The following PACRGL variants were observed in gnomAD, a reference collection of about 807,000 sequenced individuals.
PACRGL encodes the protein parkin coregulated like.
PACRGL carries 38 observed loss-of-function variants against 34.5 expected under a neutral mutation model. The observed-to-expected ratio is 1.10, with a 90% confidence interval of 0.85 to 1.44. The LOEUF is 1.44. PACRGL is among the 40% of genes most tolerant of loss of function. The pLI is 0.00. For missense variants in PACRGL, 305 were observed against 281.4 expected, an observed-to-expected ratio of 1.08 and a Z score of -0.60; for synonymous variants, 128 against 100.1, an observed-to-expected ratio of 1.28 and a Z score of -1.66.
At chr4:20,751,508 G>A (rs1753627726) in intron 8 of PACRGL, among the ~76,000 whole-genome samples, 1 of 151,764 alleles carries the variant, frequency 6.6e-6, no homozygotes, top group Admixed American at 6.6e-5. Context: ...TGAATTGATC[G>A]ATGGTGTGTT....
rs115859883 is a variant in PACRGL, at chr4:20,703,235, G to A, written c.-16-1231G>A. Among the ~76,000 whole-genome samples, 991 of 152,248 alleles carry A rather than the reference G, an allele frequency of 6.5e-3. 5 individuals carry two copies. Among genetic ancestry groups the A allele is most frequent in the Non-Finnish European group, 0.011 (718 of 68,012 alleles). On this transcript the variant is annotated intron_variant, in intron 1 of 8. Coordinates refer to ENST00000503585, the MANE Select transcript of PACRGL (RefSeq NM_001258345.3). The stretch of plus-strand genomic sequence containing the variant: ...GGACTTTACCTGTGTTGTCCTAAGG[G>A]AAGATCTTACACTATACTTGAGAGG...
intron 3 of PACRGL, among the ~76,000 whole-genome samples, chr4:20,706,188 G>A (rs908344533): frequency 4.6e-5 from 7 of 151,934 alleles, no homozygotes; most frequent in African/African-American, 7.3e-5. Flanking sequence ...TTCTGATTTT[G>A]TGGAACATGG....
chr4:20,707,880 A>G lies in PACRGL; in HGVS notation c.275+10A>G, dbSNP rs181253053. The G allele has an allele frequency of 1.0e-3, 1,659 of 1,594,316 alleles. 5 individuals carry two copies. The Middle Eastern group carries it at 0.015, about 14-fold the overall frequency. ...GAGGTATTCCTTGCAGGTAAAATCA[A>G]TATGATTTATAACTGACCAAATTAT... On this transcript the variant is annotated intron_variant, in intron 4 of 8. Transcript: ENST00000503585.
At chr4:20,748,583 T>TTCCATAAGTAA (rs1560431133) in intron 8 of PACRGL, among the ~76,000 whole-genome samples, 1 of 93,990 alleles carries the variant, frequency 1.1e-5, no homozygotes, top group Non-Finnish European at 2.5e-5. Flanking sequence ...TATATATATA[T>TTCCATAAGTAA]ATATATATAT....
chr4:20,762,125 A>T, the PACRGL span, among the ~76,000 whole-genome samples: 1 of 152,324 alleles, frequency 6.6e-6, no homozygotes, highest in African/African-American at 2.4e-5. Flanking sequence ...GAAGTCTAAG[A>T]CCATAGGATT....
chr4:20,731,803 G>A lies in PACRGL; in HGVS notation c.*4462G>A. The A allele has an allele frequency of 1.0e-6, 1 of 985,374 alleles. No individual in the cohort carries two copies. Among genetic ancestry groups the A allele is most frequent in the Non-Finnish European group, 1.2e-6 (1 of 829,922 alleles). 61.0% of individuals were successfully genotyped at this position (985,374 alleles called of 1,614,324 possible). ...TTGTATCCCCAGGGTTTCCTCCATA[G>A]CCTGACTCAGTGGGCACTCTAAATG... On this transcript the variant is annotated 3_prime_UTR_variant, in exon 9 of 9. Coordinates refer to ENST00000503585, the MANE Select transcript of PACRGL (RefSeq NM_001258345.3).
At chr4:20,746,854 C>T (rs944848687) in intron 8 of PACRGL, among the ~76,000 whole-genome samples, 1 of 152,070 alleles carries the variant, frequency 6.6e-6, no homozygotes, top group Admixed American at 6.6e-5. Context: ...TACCCTTTAT[C>T]GTAGAATCAG....
rs988485653 is a variant in PACRGL, at chr4:20,707,079, A to G, written c.208-724A>G. On this transcript the variant is annotated intron_variant, in intron 3 of 8. Coordinates refer to ENST00000503585, the MANE Select transcript of PACRGL (RefSeq NM_001258345.3). Reference sequence around the variant, plus strand: ...TTTATATTTTGTAATTTAGACAACTATTTTTCATTTGATTATATATTAAAA... The same window carrying G: ...TTTATATTTTGTAATTTAGACAACTGTTTTTCATTTGATTATATATTAAAA... Among the ~76,000 whole-genome samples the G allele has an allele frequency of 7.2e-5, 11 of 152,212 alleles. No individual in the cohort carries two copies. In the East Asian group the frequency reaches 1.7e-3, roughly 24 times the overall value.
At chr4:20,737,361 C>T (rs139876080), downstream of PACRGL, among the ~76,000 whole-genome samples, 33 of 152,260 alleles carry the variant, frequency 2.2e-4, no homozygotes, top group East Asian at 3.7e-3. Flanking sequence ...TGATAGGGAA[C>T]GGTCCAGTGG....
At chr4:20,720,747 T>C (rs895818737) in intron 7 of PACRGL, among the ~76,000 whole-genome samples, 3 of 152,170 alleles carry the variant, frequency 2.0e-5, no homozygotes, top group African/African-American at 7.2e-5. Context: ...TCCTTCTGGC[T>C]GCCCTTAATA....
intron 7 of PACRGL, among the ~76,000 whole-genome samples, chr4:20,722,269 T>G (rs1743678194): frequency 6.6e-6 from 1 of 152,236 alleles, no homozygotes; most frequent in Admixed American, 6.5e-5. Flanking sequence ...TCCCTTGCGC[T>G]TCCCGGGTGA....
At chr4:20,743,101 C>T (rs1578475531) in intron 8 of PACRGL, among the ~76,000 whole-genome samples, 2 of 148,634 alleles carry the variant, frequency 1.3e-5, no homozygotes, top group Middle Eastern at 3.5e-3. Context: ...CGAACCACTG[C>T]TCAATGAAAT....
rs1177046429 is a variant in PACRGL, at chr4:20,729,527, T to TTTCTAACAGAAGGTGGG, written c.*2187_*2203dup. The TTTCTAACAGAAGGTGGG allele has an allele frequency of 1.4e-5, 2 of 139,190 alleles. No homozygotes were observed. Among genetic ancestry groups the TTTCTAACAGAAGGTGGG allele is most frequent in the Admixed American group, 7.3e-5 (1 of 13,766 alleles). 8.6% of individuals were successfully genotyped at this position (139,190 alleles called of 1,614,324 possible). ...GTTTAAAAATGCCAGATAAAACTAA[T>TTTCTAACAGAAGGTGGG]TTCTAACAGAAGGTGGGAAGGCCAT... On this transcript the variant is annotated 3_prime_UTR_variant, in exon 9 of 9. Transcript: ENST00000503585.
At chr4:20,733,166 A>G (rs1748754082), downstream of PACRGL, among the ~76,000 whole-genome samples, 1 of 152,190 alleles carries the variant, frequency 6.6e-6, no homozygotes, top group African/African-American at 2.4e-5. Flanking sequence ...TGAGAATCAA[A>G]TATACGGCAC....
intron 8 of PACRGL, among the ~76,000 whole-genome samples, chr4:20,748,166 A>G (rs1437626194): frequency 2.0e-5 from 3 of 152,078 alleles, no homozygotes; most frequent in Admixed American, 6.6e-5. Flanking sequence ...AGATAGTCCA[A>G]TCTCCTGCCT....
At chr4:20,699,389 C>T (rs1294553339), upstream of PACRGL, among the ~76,000 whole-genome samples, 1 of 152,078 alleles carries the variant, frequency 6.6e-6, no homozygotes, top group East Asian at 1.9e-4. Flanking sequence ...GCAAGGTTCA[C>T]AGAACATTAG....
intron 8 of PACRGL, among the ~76,000 whole-genome samples, chr4:20,739,938 CTG>C (rs1202804824): frequency 6.6e-6 from 1 of 152,116 alleles, no homozygotes; most frequent in Non-Finnish European, 1.5e-5. Context: ...CAAGAACTAT[CTG>C]ATGCATTCAC....
rs1748080764 is a variant in PACRGL, at chr4:20,731,215, A to C, written c.*3874A>C. The C allele has an allele frequency of 1.1e-5, 2 of 174,428 alleles. No individual in the cohort carries two copies. Among genetic ancestry groups the C allele is most frequent in the East Asian group, 3.8e-4 (2 of 5,238 alleles). The allele number at this position is 174,428 out of a possible 1,614,324, so 10.8% of individuals were successfully genotyped here. On this transcript the variant is annotated 3_prime_UTR_variant, in exon 9 of 9. Coordinates refer to ENST00000503585, the MANE Select transcript of PACRGL (RefSeq NM_001258345.3). ...CTCCCAAGTAGCTGAGACTTCAGCCACGTGCCACCGTGCCCAGCTAACTTA... is the reference window on the plus strand; with the variant it reads ...CTCCCAAGTAGCTGAGACTTCAGCCCCGTGCCACCGTGCCCAGCTAACTTA...
chr4:20,741,162 T>G (rs1246112007), intron 8 of PACRGL, among the ~76,000 whole-genome samples: 3 of 152,118 alleles, frequency 2.0e-5, no homozygotes, highest in Admixed American at 6.5e-5. Flanking sequence ...CACAGATCAA[T>G]GAGACAGAAA....
Sources: allele counts gnomAD v4.1 joint callset (sites outside exome capture counted in the v4.1 genomes callset), GRCh38; gene constraint gnomAD v4.1.1; transcripts MANE v1.5; gene names NCBI Gene and HGNC (gene_info 2026-07-23, HGNC 2026-07-21).